The following NAALADL2 variants were observed in gnomAD, a reference collection of about 807,000 sequenced individuals.
The protein encoded by NAALADL2 is N-acetylated alpha-linked acidic dipeptidase like 2, also known as inactive N-acetylated-alpha-linked acidic dipeptidase-like protein 2.
In NAALADL2, 76 loss-of-function variants were observed where a neutral mutation model predicts 87.2. That is an observed-to-expected ratio of 0.87 (90% confidence interval 0.72 to 1.05). NAALADL2 has a LOEUF of 1.05. NAALADL2 is among the 50% of genes least tolerant of loss of function. The pLI is 0.00. For synonymous variants in NAALADL2, 354 were observed against 331.0 expected, an observed-to-expected ratio of 1.07 and a Z score of -0.75; for missense variants, 1,089 against 945.8, an observed-to-expected ratio of 1.15 and a Z score of -1.99.
chr3:175,543,434 A>G (rs1328049130), intron 9 of NAALADL2, among the ~76,000 whole-genome samples: 1 of 152,148 alleles, frequency 6.6e-6, no homozygotes, highest in Non-Finnish European at 1.5e-5. Flanking sequence ...GTATTAGTCC[A>G]TTTTCATACT....
At chr3:175,462,230 C>T (rs930118240) in intron 6 of NAALADL2, among the ~76,000 whole-genome samples, 5 of 151,978 alleles carry the variant, frequency 3.3e-5, no homozygotes, top group Non-Finnish European at 7.4e-5. Flanking sequence ...TTTTTGCAAA[C>T]CTAAAATGCT....
chr3:174,858,396 C>T (rs556829805), upstream of NAALADL2, among the ~76,000 whole-genome samples: 7 of 151,870 alleles, frequency 4.6e-5, no homozygotes, highest in Non-Finnish European at 8.8e-5. Context: ...TTTAAAGATA[C>T]GTCTCCAATT....
intron 9 of NAALADL2, among the ~76,000 whole-genome samples, chr3:175,528,353 G>A (rs918542996): frequency 1.3e-5 from 2 of 152,022 alleles, no homozygotes; most frequent in African/African-American, 4.8e-5. Context: ...TGTAGGCTGG[G>A]AGGCTAAGCC....
At chr3:174,823,890 T>C (rs1291432408) in intron 3 of NAALADL2, among the ~76,000 whole-genome samples, 1 of 152,176 alleles carries the variant, frequency 6.6e-6, no homozygotes, top group Non-Finnish European at 1.5e-5. Context: ...TTTGTATTTT[T>C]AGTAGATACG....
intron 10 of NAALADL2, among the ~76,000 whole-genome samples, chr3:175,608,671 T>C (rs1039792099): frequency 2.6e-5 from 4 of 152,096 alleles, no homozygotes; most frequent in Non-Finnish European, 5.9e-5. Flanking sequence ...ATGAGTCTTT[T>C]AGATATAAGT....
rs948006653 is a variant in NAALADL2 at position 174,943,774 on chromosome 3, C to T, written c.43+84324C>T. ...GGACCCATGGGAGATTGACTGGCCT[C>T]TTCTACTTGTTGACTGGAGCTTGTT... On this transcript the variant is annotated intron_variant, in intron 1 of 13. Transcript: ENST00000454872. Among the ~76,000 whole-genome samples, 12 of 152,246 alleles carry T rather than the reference C, an allele frequency of 7.9e-5. No homozygotes were observed. In the South Asian group the frequency reaches 1.5e-3, roughly 18 times the overall value.
At chr3:174,480,591 G>A (rs567105479) in intron 1 of NAALADL2, among the ~76,000 whole-genome samples, 1 of 151,912 alleles carries the variant, frequency 6.6e-6, no homozygotes, top group African/African-American at 2.4e-5. Context: ...CATCTCTGAT[G>A]GTTTCTCACA....
At chr3:175,221,016 G>C (rs1001437191) in intron 2 of NAALADL2, among the ~76,000 whole-genome samples, 12 of 151,802 alleles carry the variant, frequency 7.9e-5, no homozygotes, top group Non-Finnish European at 1.5e-4. Context: ...GGCCAACATG[G>C]TAAAACTCCA....
chr3:175,473,208 C>G, intron 9 of NAALADL2, among the ~76,000 whole-genome samples: 1 of 152,046 alleles, frequency 6.6e-6, no homozygotes. Flanking sequence ...ATTTCAGTAT[C>G]TAAACCTAAT....
At chr3:174,514,401 C>G (rs182704528) in intron 1 of NAALADL2, among the ~76,000 whole-genome samples, 1 of 152,014 alleles carries the variant, frequency 6.6e-6, no homozygotes, top group Non-Finnish European at 1.5e-5. Context: ...TGAAAAATAT[C>G]TATAATAGAA....
intron 1 of NAALADL2, among the ~76,000 whole-genome samples, chr3:174,897,997 C>T (rs1425983238): frequency 7.1e-6 from 1 of 140,606 alleles, no homozygotes; most frequent in Non-Finnish European, 1.5e-5. Flanking sequence ...CCTGTAGTCC[C>T]AGCTACTTGG....
chr3:174,722,855 C>T (rs996092964), intron 2 of NAALADL2, among the ~76,000 whole-genome samples: 5 of 152,074 alleles, frequency 3.3e-5, no homozygotes, highest in African/African-American at 1.2e-4. Context: ...TTAAAATCAC[C>T]AATTCAGTAA....
intron 2 of NAALADL2, among the ~76,000 whole-genome samples, chr3:175,180,695 A>AATG (rs1553802034): frequency 2.3e-4 from 34 of 150,362 alleles, no homozygotes; most frequent in Non-Finnish European, 3.0e-4. Flanking sequence ...TTATTATCAT[A>AATG]ATCATAAATA....
At chr3:174,494,688 A>C (rs1718409269) in intron 1 of NAALADL2, among the ~76,000 whole-genome samples, 1 of 152,074 alleles carries the variant, frequency 6.6e-6, no homozygotes, top group Non-Finnish European at 1.5e-5. Flanking sequence ...TAGCAAGGTA[A>C]TAGCCATAAG....
intron 3 of NAALADL2, among the ~76,000 whole-genome samples, chr3:174,828,910 G>A (rs1337229030): frequency 6.6e-6 from 1 of 152,146 alleles, no homozygotes; most frequent in Non-Finnish European, 1.5e-5. Context: ...GAGGATCACT[G>A]TGATTTGGGA....
intron 2 of NAALADL2, among the ~76,000 whole-genome samples, chr3:174,669,967 GTTTA>G (rs1170747698): frequency 6.6e-6 from 1 of 151,824 alleles, no homozygotes; most frequent in African/African-American, 2.4e-5. Context: ...CCTTGGTTAA[GTTTA>G]TTTCTAAGTA....
intron 9 of NAALADL2, among the ~76,000 whole-genome samples, chr3:175,537,757 T>C (rs1711537640): frequency 1.3e-5 from 2 of 152,196 alleles, no homozygotes; most frequent in Admixed American, 6.5e-5. Context: ...GCAAAGATCA[T>C]CAAAGTTTAA....
rs981698011 is a variant in NAALADL2, at chr3:175,471,753, G to A, written c.1648G>A (p.Val550Ile). Residue 550 changes from valine to isoleucine, a missense_variant, in exon 9 of 14, where the codon GTA becomes ATA. Physicochemically the swap from Val to Ile is conservative, Grantham distance 29. Coordinates refer to ENST00000454872, the MANE Select transcript of NAALADL2 (RefSeq NM_207015.3). ...VASPSLQQLVVEKNNFNCTRR... is the reference protein window; with the variant it reads ...VASPSLQQLVIEKNNFNCTRR... ...ATCACCATCTCTTCAGCAACTGGTA[G>A]TAGAGGTAAGACAAACCACTATTGT... The A allele has an allele frequency of 3.7e-6, 6 of 1,604,846 alleles. No homozygotes were observed. Among genetic ancestry groups the A allele is most frequent in the African/African-American group, 1.3e-5 (1 of 74,382 alleles).
intron 9 of NAALADL2, among the ~76,000 whole-genome samples, chr3:175,481,558 A>T (rs965299169): frequency 6.6e-6 from 1 of 151,876 alleles, no homozygotes; most frequent in Non-Finnish European, 1.5e-5. Context: ...TTATAAAGAC[A>T]AACATATATC....
Sources: allele counts gnomAD v4.1 joint callset (sites outside exome capture counted in the v4.1 genomes callset), GRCh38; gene constraint gnomAD v4.1.1; transcripts MANE v1.5; gene names NCBI Gene and HGNC (gene_info 2026-07-23, HGNC 2026-07-21).